Variants in TENM2 observed in about 807,000 individuals in gnomAD.
TENM2 encodes teneurin-2.
In TENM2, 52 loss-of-function variants were observed where a neutral mutation model predicts 245.2. The observed-to-expected ratio is 0.21, with a 90% confidence interval of 0.17 to 0.27. TENM2 has a LOEUF of 0.27. TENM2 is among the 10% of genes least tolerant of loss of function. TENM2 has a pLI of 1.00. For synonymous variants in TENM2, 1,363 were observed against 1,438.9 expected (o/e 0.95, Z 1.19); for missense variants, 3,046 against 3,666.8 (o/e 0.83, Z 4.37).
At chr5:167,775,114 G>A (rs928972327) in intron 2 of TENM2, among the ~76,000 whole-genome samples, 7 of 152,038 alleles carry the variant, frequency 4.6e-5, no homozygotes, top group Non-Finnish European at 7.4e-5. Flanking sequence ...GATTACAGGC[G>A]TGCACCACCA....
intron 2 of TENM2, among the ~76,000 whole-genome samples, chr5:167,704,312 A>T (rs1437975611): frequency 1.3e-5 from 2 of 152,154 alleles, no homozygotes; most frequent in African/African-American, 4.8e-5. Context: ...CTCTGGGTGT[A>T]ATCTTAGCCT....
At chr5:167,374,714 G>C (rs990990996) in intron 1 of TENM2, among the ~76,000 whole-genome samples, 1 of 151,984 alleles carries the variant, frequency 6.6e-6, no homozygotes, top group Non-Finnish European at 1.5e-5. Flanking sequence ...CAGGTATTGC[G>C]ACCATCAAGA....
chr5:167,627,636 C>T (rs1268460663), intron 2 of TENM2, among the ~76,000 whole-genome samples: 1 of 151,556 alleles, frequency 6.6e-6, no homozygotes, highest in African/African-American at 2.4e-5. Context: ...CGGTTCACTG[C>T]AACCTCCACC....
At position 167,411,573 on chromosome 5, in the gene TENM2, A is replaced by AGTGTGTGTGTGTGT. The variant is rs60856762; in HGVS notation, c.502+36123_502+36136dup. Among the ~76,000 whole-genome samples, 152 of 145,138 alleles carry AGTGTGTGTGTGTGT rather than the reference A, an allele frequency of 1.0e-3. 1 individual carries two copies. The highest frequency in any genetic ancestry group is 5.6e-3 in the South Asian group (25 of 4,444). ...GTGTGCATGTGTATATGTAGGTGAG[A>AGTGTGTGTGTGTGT]GTGTGTGTGTGTGTGTGTGTGTGTG... On this transcript the variant is annotated intron_variant, in intron 2 of 28. Transcript: ENST00000518659.
intron 2 of TENM2, among the ~76,000 whole-genome samples, chr5:167,478,623 T>C (rs2127525000): frequency 6.6e-6 from 1 of 152,372 alleles, no homozygotes; most frequent in Non-Finnish European, 1.5e-5. Flanking sequence ...ATTGGACTTA[T>C]TTTAATGATG....
chr5:167,357,566 T>C (rs369821670), intron 1 of TENM2, among the ~76,000 whole-genome samples: 3 of 152,252 alleles, frequency 2.0e-5, no homozygotes, highest in African/African-American at 7.2e-5. Flanking sequence ...GGCCGAGCCA[T>C]CCTTCTTAAG....
intron 2 of TENM2, among the ~76,000 whole-genome samples, chr5:167,746,675 CAGAGAGAGAGAGAGAGAG>C (rs57973052): frequency 0.021 from 2,430 of 117,196 alleles, 95 homozygotes; most frequent in East Asian, 0.18. Flanking sequence ...AAATTACCAA[CAGAGAGAGAGAGAGAGAG>C]AGAGAGAGAG....
chr5:167,837,095 C>G (rs1012616648), intron 2 of TENM2, among the ~76,000 whole-genome samples: 20 of 133,378 alleles, frequency 1.5e-4, no homozygotes, highest in Non-Finnish European at 3.3e-4. Context: ...CACACACACA[C>G]ACAGAGATAT....
rs546695771 is a variant in TENM2 at position 168,190,660 on chromosome 5, C to G, written c.2780+113C>G. The G allele has an allele frequency of 9.2e-5, 78 of 848,074 alleles. No individual in the cohort carries two copies. The African/African-American group carries it at 1.2e-3, about 13-fold the overall frequency. 52.5% of individuals were successfully genotyped at this position (848,074 alleles called of 1,614,324 possible). On this transcript the variant is annotated intron_variant, in intron 14 of 28. Coordinates refer to ENST00000518659, the Ensembl canonical transcript of TENM2. ...CCCAATTGGCCTGGAATCTGCCCCCCTAGAGGCAGCTCCCTCCAAGGGGGA... is the reference window on the plus strand; with the variant it reads ...CCCAATTGGCCTGGAATCTGCCCCCGTAGAGGCAGCTCCCTCCAAGGGGGA...
At chr5:167,632,180 G>A (rs1054702572) in intron 2 of TENM2, among the ~76,000 whole-genome samples, 1 of 152,168 alleles carries the variant, frequency 6.6e-6, no homozygotes, top group East Asian at 1.9e-4. Context: ...GCCCACCTGA[G>A]AGGGCTGTAG....
chr5:167,623,526 GT>G (rs1306537999), intron 2 of TENM2, among the ~76,000 whole-genome samples: 1 of 152,060 alleles, frequency 6.6e-6, no homozygotes, highest in Non-Finnish European at 1.5e-5. Flanking sequence ...ACAGGATTTT[GT>G]TTAGCCTGCA....
rs370259762 is a variant in TENM2, at chr5:167,375,402, T to C, written c.431T>C (p.Leu144Pro). The C allele has an allele frequency of 1.2e-5, 19 of 1,551,710 alleles. No homozygotes were observed. The highest frequency in any genetic ancestry group is 1.6e-5 in the Non-Finnish European group (18 of 1,146,988). ...ATAAAATCCAGGCGCAGTTCCGGCCTGTCCAGTCGTGAAAACTCGGCCCTT... is the reference window on the plus strand; with the variant it reads ...ATAAAATCCAGGCGCAGTTCCGGCCCGTCCAGTCGTGAAAACTCGGCCCTT... Residue 144 changes from leucine to proline, a missense_variant, in exon 2 of 29, where the codon CTG becomes CCG. By Grantham distance (98) the Leu-to-Pro change is moderately conservative. Coordinates refer to ENST00000518659, the Ensembl canonical transcript of TENM2.
chr5:167,687,469 CTGGGAAAAACTATTTATG>C (rs922012675), intron 2 of TENM2, among the ~76,000 whole-genome samples: 14 of 152,100 alleles, frequency 9.2e-5, no homozygotes, highest in Admixed American at 3.9e-4. Flanking sequence ...ACTTAGTTAT[CTGGGAAAAACTATTTATG>C]TGGGAAAAAC....
At chr5:167,872,504 G>GAA (rs1185105308) in intron 2 of TENM2, among the ~76,000 whole-genome samples, 21 of 13,194 alleles carry the variant, frequency 1.6e-3, no homozygotes, top group African/African-American at 2.5e-3. Flanking sequence ...AAGAAAGAAA[G>GAA]AAAGAAAGAA....
chr5:167,354,759 A>G (rs1759196757), intron 1 of TENM2, among the ~76,000 whole-genome samples: 1 of 152,132 alleles, frequency 6.6e-6, no homozygotes, highest in African/African-American at 2.4e-5. Flanking sequence ...TTGTTCTGAT[A>G]TTTTTCATGT....
At chr5:167,576,574 C>CA (rs1321011499) in intron 2 of TENM2, among the ~76,000 whole-genome samples, 6 of 152,140 alleles carry the variant, frequency 3.9e-5, no homozygotes, top group Admixed American at 1.3e-4. Context: ...GTTCCGTTTT[C>CA]AAAAAATCAA....
intron 6 of TENM2, among the ~76,000 whole-genome samples, chr5:168,054,041 A>G (rs1470987266): frequency 1.3e-5 from 2 of 152,260 alleles, no homozygotes; most frequent in Non-Finnish European, 2.9e-5. Context: ...CTAAATATTA[A>G]TGCAGGAGCA....
At chr5:167,308,501 A>T (rs769183408) in intron 1 of TENM2, among the ~76,000 whole-genome samples, 1 of 152,204 alleles carries the variant, frequency 6.6e-6, no homozygotes, top group Admixed American at 6.5e-5. Flanking sequence ...GTGCTCAGAC[A>T]TGATTATGCA....
chr5:167,130,912 TAA>T, the TENM2 span, among the ~76,000 whole-genome samples: 60 of 118,344 alleles, frequency 5.1e-4, no homozygotes, highest in African/African-American at 2.0e-3. Context: ...TTTTTTTTTT[TAA>T]AAAAAAAAAA....
Sources: gnomAD v4.1 joint callset for allele counts (sites outside exome capture counted in the v4.1 genomes callset) on GRCh38, gnomAD v4.1.1 for gene constraint, MANE v1.5 for transcripts, NCBI Gene and HGNC (gene_info 2026-07-23, HGNC 2026-07-21) for gene names.